B3GALT1: variants seen among roughly 807,000 people sequenced by gnomAD.
B3GALT1 encodes the protein beta-1,3-galactosyltransferase 1.
B3GALT1 carries 10 observed loss-of-function variants against 23.2 expected under a neutral mutation model. The ratio of observed to expected loss-of-function variants is 0.43; its 90% CI spans 0.27 to 0.73. The LOEUF is 0.73. B3GALT1 is among the 30% of genes least tolerant of loss of function. The pLI, the probability that B3GALT1 is intolerant of heterozygous loss-of-function variation, is 0.21. For missense variants in B3GALT1, 299 were observed against 405.4 expected, an observed-to-expected ratio of 0.74 and a Z score of 2.25; for synonymous variants, 156 against 141.5, an observed-to-expected ratio of 1.10 and a Z score of -0.73.
intron 1 of B3GALT1, among the ~76,000 whole-genome samples, chr2:167,474,636 G>A (rs1423228825): frequency 6.6e-6 from 1 of 152,024 alleles, no homozygotes; most frequent in African/African-American, 2.4e-5. Context: ...ATAAGATTCA[G>A]GCCCTATAAA....
Position 167,869,780 on chromosome 2 carries a change from A to T in B3GALT1, c.741A>T (p.Val247=), listed in dbSNP as rs756510877. The T allele has an allele frequency of 1.9e-6, 3 of 1,614,144 alleles. No homozygotes were observed. Among genetic ancestry groups the T allele is most frequent in the Admixed American group, 3.3e-5 (2 of 60,028 alleles). ...CTGGCTACATCTTTTCAGCCGATGT[A>T]GCTGAACTCATTTACAAGACCTCAC... The part of the protein sequence containing the change: ...SGTGYIFSAD[V]AELIYKTSLH... The change falls in exon 5 of 5, where the codon GTA becomes GTT. Residue 247 remains valine, a synonymous_variant. Coordinates refer to ENST00000392690, the MANE Select transcript of B3GALT1 (RefSeq NM_020981.4). This position sits in a 1 kb window ranked among gnomAD's most constrained non-coding sequence, Gnocchi z 6.4.
intron 1 of B3GALT1, among the ~76,000 whole-genome samples, chr2:167,388,678 T>C (rs182436121): frequency 6.2e-4 from 94 of 152,238 alleles, no homozygotes; most frequent in East Asian, 7.7e-4. Context: ...CTGGGGAGTT[T>C]TGAAAAAAAG....
chr2:167,765,253 A>G (rs768554373), intron 3 of B3GALT1, among the ~76,000 whole-genome samples: 2 of 152,134 alleles, frequency 1.3e-5, no homozygotes, highest in Non-Finnish European at 2.9e-5. Context: ...CACTGTTTAT[A>G]TGGATGGATG....
At chr2:167,584,314 T>A (rs888045141) in intron 2 of B3GALT1, among the ~76,000 whole-genome samples, 18 of 152,168 alleles carry the variant, frequency 1.2e-4, no homozygotes, top group Admixed American at 1.2e-3. Flanking sequence ...GAGCCCTTTA[T>A]CCCCTTGAAG....
intron 1 of B3GALT1, among the ~76,000 whole-genome samples, chr2:167,359,875 T>A (rs1697472526): frequency 1.3e-5 from 2 of 152,114 alleles, no homozygotes; most frequent in Non-Finnish European, 2.9e-5. Flanking sequence ...AGTAGTGTTA[T>A]TACATGTTAT....
At chr2:167,397,374 G>A (rs1346884255) in intron 1 of B3GALT1, among the ~76,000 whole-genome samples, 2 of 151,506 alleles carry the variant, frequency 1.3e-5, no homozygotes, top group Admixed American at 6.6e-5. Flanking sequence ...TTTTCCTGAG[G>A]CAAATATGAG....
At chr2:167,374,400 A>C (rs1472909862) in intron 1 of B3GALT1, among the ~76,000 whole-genome samples, 3 of 152,314 alleles carry the variant, frequency 2.0e-5, no homozygotes, top group Middle Eastern at 3.4e-3. Context: ...TGCTGGGTTG[A>C]ATAGTAGTTC....
Position 167,537,031 on chromosome 2 carries a change from T to C in B3GALT1, c.-410+46754T>C, listed in dbSNP as rs151309390. Among the ~76,000 whole-genome samples, 154 of 152,230 alleles carry C rather than the reference T, an allele frequency of 1.0e-3. 1 individual carries two copies. The highest frequency in any genetic ancestry group is 3.6e-3 in the African/African-American group (148 of 41,544). The stretch of plus-strand genomic sequence containing the variant: ...ACTCTGAAGCCTAACATGGTGATTG[T>C]ATTAGTCTGTTCTCACACTGCTAAT... On this transcript the variant is annotated intron_variant, in intron 2 of 4. Transcript: ENST00000392690.
chr2:167,666,278 C>A (rs898463281), intron 3 of B3GALT1, among the ~76,000 whole-genome samples: 8 of 152,144 alleles, frequency 5.3e-5, no homozygotes, highest in Admixed American at 2.0e-4. Flanking sequence ...GATTCTTAAT[C>A]CTGAGTTCTA....
At chr2:167,296,868 G>A (rs766251903) in intron 1 of B3GALT1, among the ~76,000 whole-genome samples, 5 of 151,990 alleles carry the variant, frequency 3.3e-5, no homozygotes, top group Non-Finnish European at 7.4e-5. Flanking sequence ...AACTTATATA[G>A]AATATTTATC....
At position 167,547,090 on chromosome 2, in the gene B3GALT1, A is replaced by C. The variant is rs75379938; in HGVS notation, c.-410+56813A>C. Among the ~76,000 whole-genome samples the C allele has an allele frequency of 4.0e-3, 607 of 152,248 alleles. 1 individual carries two copies. The highest frequency in any genetic ancestry group is 8.5e-3 in the Admixed American group (130 of 15,302). On this transcript the variant is annotated intron_variant, in intron 2 of 4. Coordinates refer to ENST00000392690, the MANE Select transcript of B3GALT1 (RefSeq NM_020981.4). Reference sequence around the variant, plus strand: ...CTGTTACCTGGGCTGGCTCAGTCCCACCACAGCAGCACGTCCTCGGTCTTC... The same window carrying C: ...CTGTTACCTGGGCTGGCTCAGTCCCCCCACAGCAGCACGTCCTCGGTCTTC...
chr2:167,768,430 T>C, intron 3 of B3GALT1, among the ~76,000 whole-genome samples: 1 of 152,096 alleles, frequency 6.6e-6, no homozygotes, highest in Admixed American at 6.6e-5. Flanking sequence ...GTCTGAAAAA[T>C]GGTAGGCCAA....
rs1323355173 is a variant in B3GALT1 at position 167,715,936 on chromosome 2, C to T, written c.-352+68970C>T. The T allele has an allele frequency of 8.7e-6, 14 of 1,613,036 alleles. No homozygotes were observed. In the African/African-American group the frequency reaches 1.1e-4, roughly 12 times the overall value. Reference sequence around the variant, plus strand: ...AATCCAACAACAGCTGCGCATACCACCAGTTCGCATGGAAAACCATAAGGA... The same window carrying T: ...AATCCAACAACAGCTGCGCATACCATCAGTTCGCATGGAAAACCATAAGGA... On this transcript the variant is annotated intron_variant, in intron 3 of 4. Transcript: ENST00000392690.
chr2:167,512,286 G>C (rs991421820), intron 2 of B3GALT1, among the ~76,000 whole-genome samples: 7 of 151,038 alleles, frequency 4.6e-5, no homozygotes, highest in African/African-American at 1.7e-4. Context: ...TATATTCCTA[G>C]GCTGCTATGA....
chr2:167,846,899 A>G (rs1040865781), intron 4 of B3GALT1, among the ~76,000 whole-genome samples: 122 of 152,316 alleles, frequency 8.0e-4, no homozygotes, highest in African/African-American at 2.8e-3. Context: ...CATAAAGTAA[A>G]GGTGTGGAAA....
chr2:167,817,556 T>C (rs1440828515), intron 3 of B3GALT1, among the ~76,000 whole-genome samples: 2 of 151,444 alleles, frequency 1.3e-5, no homozygotes, highest in Non-Finnish European at 1.5e-5. Flanking sequence ...GTGATTATCA[T>C]AGAAACAGAG....
chr2:167,598,451 T>G (rs1684820382), intron 2 of B3GALT1, among the ~76,000 whole-genome samples: 1 of 152,112 alleles, frequency 6.6e-6, no homozygotes, highest in Non-Finnish European at 1.5e-5. Flanking sequence ...ATGAATTGCC[T>G]CAGATATCAG....
chr2:167,353,044 A>G (rs1434742167), intron 1 of B3GALT1, among the ~76,000 whole-genome samples: 1 of 152,190 alleles, frequency 6.6e-6, no homozygotes, highest in Non-Finnish European at 1.5e-5. Context: ...TAGAAGGGAA[A>G]GAGACCTATC....
chr2:167,386,898 A>T (rs181377027), intron 1 of B3GALT1, among the ~76,000 whole-genome samples: 1 of 152,200 alleles, frequency 6.6e-6, no homozygotes, highest in South Asian at 2.1e-4. Context: ...GAAAGAGAAG[A>T]CTGGATGAAG....
Sources: gnomAD v4.1 joint callset for allele counts (sites outside exome capture counted in the v4.1 genomes callset) on GRCh38, gnomAD v4.1.1 for gene constraint, Gnocchi (gnomAD v3.1) non-coding constraint, MANE v1.5 for transcripts, NCBI Gene and HGNC (gene_info 2026-07-23, HGNC 2026-07-21) for gene names.